Variants in INPP5A observed in about 807,000 individuals in gnomAD.
The protein encoded by INPP5A is inositol polyphosphate-5-phosphatase A.
A neutral mutation model predicts 65.2 loss-of-function variants in INPP5A; 14 were observed. The observed-to-expected ratio is 0.21, with a 90% CI of 0.14 to 0.34. INPP5A has a LOEUF of 0.34. INPP5A is among the 10% of genes least tolerant of loss of function. The pLI is 1.00. For synonymous variants in INPP5A, 207 were observed against 208.3 expected (o/e 0.99, Z 0.05); for missense variants, 431 against 545.6 (o/e 0.79, Z 2.09).
Position 132,749,849 on chromosome 10 carries a change from A to G in INPP5A, c.903+4A>G. ...CCGAGACAACAACGGCACCGCGGTGAGTTTGTGGTCCAATGTGGCAGCTCC... is the reference window on the plus strand; with the variant it reads ...CCGAGACAACAACGGCACCGCGGTGGGTTTGTGGTCCAATGTGGCAGCTCC... On this transcript the variant is annotated splice_donor_region_variant and intron_variant, in intron 11 of 15. Coordinates refer to ENST00000368594, the MANE Select transcript of INPP5A (RefSeq NM_005539.5). 6.2e-7 allele frequency: 1 copy of G among 1,612,648 alleles called. No individual in the cohort carries two copies.
chr10:132,757,182 C>G (rs560208787), intron 11 of INPP5A, among the ~76,000 whole-genome samples: 1 of 152,144 alleles, frequency 6.6e-6, no homozygotes, highest in Non-Finnish European at 1.5e-5. Flanking sequence ...CTCAGCGTTC[C>G]GTATTTATAA....
chr10:132,752,066 G>A (rs1363511474), intron 11 of INPP5A, among the ~76,000 whole-genome samples: 4 of 147,650 alleles, frequency 2.7e-5, no homozygotes, highest in Admixed American at 1.3e-4. Context: ...CCCAGGAGGC[G>A]TCTGGGTGGA....
In INPP5A at chr10:132,538,251, G is replaced by T; in HGVS notation, c.75+80G>T. The T allele has an allele frequency of 1.2e-6, 1 of 824,952 alleles. No homozygotes were observed. Among genetic ancestry groups the T allele is most frequent in the Non-Finnish European group, 1.6e-6 (1 of 627,640 alleles). 51.1% of individuals were successfully genotyped at this position (824,952 alleles called of 1,614,324 possible). ...CCGGGGTCCCGAACTGCAAGCCTTG[G>T]ACCCTGGACCGTGAACCTCCAGACC... On this transcript the variant is annotated intron_variant, in intron 1 of 15. Coordinates refer to ENST00000368594, the MANE Select transcript of INPP5A (RefSeq NM_005539.5). The surrounding 1 kb of genome is among the most constrained non-coding windows in gnomAD (Gnocchi z 4.1).
At chr10:132,567,156 T>C (rs953626557) in intron 1 of INPP5A, among the ~76,000 whole-genome samples, 2 of 152,158 alleles carry the variant, frequency 1.3e-5, no homozygotes, top group South Asian at 4.1e-4. Context: ...TCTTCCCCTG[T>C]CTCCATCCGG....
At chr10:132,604,121 G>A (rs115549076) in intron 1 of INPP5A, among the ~76,000 whole-genome samples, 3,900 of 128,372 alleles carry the variant, frequency 0.03, 258 homozygotes, top group African/African-American at 0.11. Flanking sequence ...CCTCTCCGGC[G>A]CACCCTGTGC....
chr10:132,680,435 T>C (rs112285580), intron 4 of INPP5A, among the ~76,000 whole-genome samples: 1 of 152,264 alleles, frequency 6.6e-6, no homozygotes, highest in Non-Finnish European at 1.5e-5. Context: ...GCAAAATACC[T>C]TATACCCATT....
intron 12 of INPP5A, 24 bp from the exon 13 acceptor site, chr10:132,777,647 C>T (rs767023011): frequency 1.7e-5 from 27 of 1,606,576 alleles, no homozygotes; most frequent in Non-Finnish European, 2.2e-5. Flanking sequence ...GGCCGGCTGA[C>T]CCTCTGCCTT....
At chr10:132,669,794 C>T (rs745784214) in intron 4 of INPP5A, among the ~76,000 whole-genome samples, 3 of 152,124 alleles carry the variant, frequency 2.0e-5, no homozygotes, top group Non-Finnish European at 4.4e-5. Context: ...TGAGCGTGGA[C>T]CTGGGTTTCT....
chr10:132,739,656 C>T (rs144850740), intron 9 of INPP5A, among the ~76,000 whole-genome samples: 13 of 152,348 alleles, frequency 8.5e-5, no homozygotes, highest in African/African-American at 2.6e-4. Context: ...CCGGGTGAGT[C>T]GCACTCTCGC....
At chr10:132,652,881 G>A (rs541688242) in intron 4 of INPP5A, among the ~76,000 whole-genome samples, 18 of 152,204 alleles carry the variant, frequency 1.2e-4, no homozygotes, top group Admixed American at 6.5e-4. Context: ...GGTCGTGAAC[G>A]TGCGCCCCTA....
At chr10:132,701,747 GCCACC>G (rs1184745829) in intron 6 of INPP5A, among the ~76,000 whole-genome samples, 5 of 152,194 alleles carry the variant, frequency 3.3e-5, no homozygotes, top group African/African-American at 7.2e-5. Context: ...TTCCTCTTGG[GCCACC>G]CCACCCCACC....
At chr10:132,657,547 G>C (rs1027695969) in intron 4 of INPP5A, among the ~76,000 whole-genome samples, 1 of 152,218 alleles carries the variant, frequency 6.6e-6, no homozygotes, top group African/African-American at 2.4e-5. Flanking sequence ...CAGTGGCCCT[G>C]GTGCTCTTGG....
intron 4 of INPP5A, among the ~76,000 whole-genome samples, chr10:132,681,936 CAG>C (rs2073052041): frequency 6.6e-6 from 1 of 152,216 alleles, no homozygotes; most frequent in South Asian, 2.1e-4. Flanking sequence ...AAGCCTGTCA[CAG>C]AAACACGAAC....
intron 4 of INPP5A, among the ~76,000 whole-genome samples, chr10:132,684,859 C>T (rs983398464): frequency 6.6e-6 from 1 of 152,276 alleles, no homozygotes; most frequent in Admixed American, 6.5e-5. Flanking sequence ...TGCGTGAGGC[C>T]GCGTCCTTCA....
chr10:132,685,767 C>T (rs541289570), intron 4 of INPP5A, among the ~76,000 whole-genome samples: 7 of 152,286 alleles, frequency 4.6e-5, no homozygotes, highest in South Asian at 4.1e-4. Context: ...CCTGCCGGGA[C>T]GCGTTGTTCT....
chr10:132,756,244 CAT>C (rs1394892073), intron 11 of INPP5A, among the ~76,000 whole-genome samples: 3 of 152,036 alleles, frequency 2.0e-5, no homozygotes, highest in Admixed American at 6.5e-5. Flanking sequence ...TATGCGTGTA[CAT>C]GTGTGCACTC....
chr10:132,638,839 A>G (rs1458062964), intron 2 of INPP5A, among the ~76,000 whole-genome samples: 2 of 152,150 alleles, frequency 1.3e-5, no homozygotes, highest in Non-Finnish European at 2.9e-5. Flanking sequence ...AATTGCTGGG[A>G]TTAGAGGTGT....
At chr10:132,714,641 G>A (rs1845708353) in intron 8 of INPP5A, among the ~76,000 whole-genome samples, 2 of 152,142 alleles carry the variant, frequency 1.3e-5, no homozygotes, top group African/African-American at 4.8e-5. Context: ...GAGGATGCAG[G>A]CCAGGTTAAA....
At chr10:132,617,922 G>A (rs1321508934) in intron 2 of INPP5A, among the ~76,000 whole-genome samples, 2 of 152,180 alleles carry the variant, frequency 1.3e-5, no homozygotes, top group Non-Finnish European at 2.9e-5. Flanking sequence ...TGCCTTTTTT[G>A]TAAGCTGGGA....
Sources: gnomAD v4.1 joint callset for allele counts (sites outside exome capture counted in the v4.1 genomes callset) on GRCh38, gnomAD v4.1.1 for gene constraint, Gnocchi (gnomAD v3.1) non-coding constraint, MANE v1.5 for transcripts, NCBI Gene and HGNC (gene_info 2026-07-23, HGNC 2026-07-21) for gene names.